DAPP1: variants seen among roughly 807,000 people sequenced by gnomAD.
DAPP1 encodes dual adaptor of phosphotyrosine and 3-phosphoinositides 1, also known as dual adapter for phosphotyrosine and 3-phosphotyrosine and 3-phosphoinositide.
Under a neutral mutation model 41.5 loss-of-function variants are expected in DAPP1, and 20 were observed. That is an observed-to-expected ratio of 0.48 (90% CI 0.34 to 0.70). The LOEUF (loss-of-function observed/expected upper bound fraction) is 0.70, where lower values mean the gene tolerates loss of function less well. Ranked by LOEUF, DAPP1 falls within the 30% of genes least tolerant of loss-of-function variation. The pLI, the probability that DAPP1 is intolerant of heterozygous loss-of-function variation, is 0.01. For missense variants in DAPP1, 233 were observed against 333.4 expected (o/e 0.70, Z 2.35); for synonymous variants, 113 against 116.2 (o/e 0.97, Z 0.18).
Position 99,858,503 on chromosome 4 carries a change from CAGG to C in DAPP1, c.490-3074_490-3072del, listed in dbSNP as rs369901652. The stretch of plus-strand genomic sequence containing the variant: ...GTTTGATTACTTAAGTGGTGTCTGC[CAGG>C]TTTCTTCACTCTAAAGTCACCATAT... On this transcript the variant is annotated intron_variant, in intron 4 of 8. Transcript: ENST00000512369. Among the ~76,000 whole-genome samples, 620 of 152,192 alleles carry C rather than the reference CAGG, an allele frequency of 4.1e-3. 1 individual carries two copies. The highest frequency in any genetic ancestry group is 0.014 in the African/African-American group (596 of 41,520).
chr4:99,851,289 TG>T (rs1723848504), intron 3 of DAPP1, among the ~76,000 whole-genome samples: 1 of 152,154 alleles, frequency 6.6e-6, no homozygotes, highest in Non-Finnish European at 1.5e-5. Context: ...GTTCTGATAA[TG>T]GCAAAATCTG....
At chr4:99,849,824 T>C (rs766540341) in intron 3 of DAPP1, among the ~76,000 whole-genome samples, 3 of 152,000 alleles carry the variant, frequency 2.0e-5, no homozygotes, top group Non-Finnish European at 4.4e-5. Context: ...TCCTCATAAG[T>C]AGTAGGGAGC....
At chr4:99,862,589 A>C (rs1724276700) in intron 5 of DAPP1, among the ~76,000 whole-genome samples, 1 of 152,168 alleles carries the variant, frequency 6.6e-6, no homozygotes, top group Non-Finnish European at 1.5e-5. Context: ...TTAGGTACTC[A>C]AAGAACAATA....
chr4:99,834,054 T>C (rs1055732464), intron 1 of DAPP1, among the ~76,000 whole-genome samples: 4 of 152,178 alleles, frequency 2.6e-5, no homozygotes, highest in Non-Finnish European at 5.9e-5. Context: ...CCACCTGGAT[T>C]GGGACCCAGG....
chr4:99,835,536 C>T (rs1475845864), intron 1 of DAPP1, 87 bp from the exon 2 acceptor site: 12 of 1,540,332 alleles, frequency 7.8e-6, no homozygotes, highest in Admixed American at 1.9e-5. Context: ...AAGAATGTTG[C>T]TAGGTAATCT....
intron 3 of DAPP1, among the ~76,000 whole-genome samples, chr4:99,841,446 ACGAAATGAAGTTATAACCTTTTTTT>A (rs1484274917): frequency 6.6e-6 from 1 of 152,228 alleles, no homozygotes; most frequent in Non-Finnish European, 1.5e-5. Flanking sequence ...AACCCAAACT[ACGAAATGAAGTTATAACCTTTTTTT>A]CCTTCTTTCT....
At chr4:99,852,078 A>G (rs189175451) in intron 3 of DAPP1, among the ~76,000 whole-genome samples, 164 of 152,032 alleles carry the variant, frequency 1.1e-3, no homozygotes, top group African/African-American at 3.7e-3. Context: ...CATTTTTTCC[A>G]TAACACTTCT....
chr4:99,853,201 T>C lies in DAPP1; in HGVS notation c.359-17T>C, dbSNP rs747477341. On this transcript the variant is annotated splice_polypyrimidine_tract_variant and intron_variant, in intron 3 of 8. Transcript: ENST00000512369. ...CTGGGAACACTGTTCGATTATATAT[T>C]TTTCATCTTCATTCAGGCACTCTGA... is the stretch of plus-strand genomic sequence containing the variant. The C allele has an allele frequency of 6.2e-7, 1 of 1,613,688 alleles. No individual in the cohort carries two copies. The highest frequency in any genetic ancestry group is 8.5e-7 in the Non-Finnish European group (1 of 1,179,722).
At chr4:99,858,671 C>A (rs1724130476) in intron 4 of DAPP1, among the ~76,000 whole-genome samples, 1 of 152,114 alleles carries the variant, frequency 6.6e-6, no homozygotes, top group African/African-American at 2.4e-5. Context: ...TGATTGTTAC[C>A]AAACGATGAC....
At chr4:99,839,333 T>C (rs1723411853) in intron 2 of DAPP1, among the ~76,000 whole-genome samples, 1 of 149,818 alleles carries the variant, frequency 6.7e-6, no homozygotes. Context: ...TGGGATCAAA[T>C]AAAGTGGAGA....
At chr4:99,850,600 G>A (rs957426791) in intron 3 of DAPP1, among the ~76,000 whole-genome samples, 5 of 152,124 alleles carry the variant, frequency 3.3e-5, no homozygotes, top group Admixed American at 2.6e-4. Context: ...TAATTTGGGA[G>A]CTGCTTTGAT....
intron 1 of DAPP1, among the ~76,000 whole-genome samples, chr4:99,828,207 G>A (rs2110137367): frequency 6.6e-6 from 1 of 152,346 alleles, no homozygotes; most frequent in South Asian, 2.1e-4. Context: ...CATACTTTAA[G>A]TAGCAAAGCT....
chr4:99,866,206 A>G, intron 8 of DAPP1, 85 bp downstream of exon 8: 1 of 770,442 alleles, frequency 1.3e-6, no homozygotes, highest in South Asian at 1.6e-5. Flanking sequence ...AAAGAGTCAG[A>G]CTAGACCCAA....
intron 1 of DAPP1, among the ~76,000 whole-genome samples, chr4:99,831,493 G>A (rs1723118667): frequency 6.6e-6 from 1 of 152,134 alleles, no homozygotes; most frequent in Admixed American, 6.5e-5. Flanking sequence ...CATCCTTTTA[G>A]CACTCCACTT....
intron 1 of DAPP1, among the ~76,000 whole-genome samples, chr4:99,829,635 G>T (rs1723053906): frequency 6.6e-6 from 1 of 152,290 alleles, no homozygotes; most frequent in East Asian, 1.9e-4. Flanking sequence ...AGAGACAAAT[G>T]CATGACCTCT....
At chr4:99,817,754 A>T (rs1722639670) in intron 1 of DAPP1, among the ~76,000 whole-genome samples, 1 of 152,228 alleles carries the variant, frequency 6.6e-6, no homozygotes, top group Non-Finnish European at 1.5e-5. Flanking sequence ...TTTCCCAGAG[A>T]AACTGCCTAA....
chr4:99,817,861 C>T (rs1722643024), intron 1 of DAPP1, among the ~76,000 whole-genome samples: 1 of 152,220 alleles, frequency 6.6e-6, no homozygotes, highest in African/African-American at 2.4e-5. Context: ...TCTAACTCTT[C>T]ATAGCAATCC....
chr4:99,851,768 T>A (rs1326541007), intron 3 of DAPP1, among the ~76,000 whole-genome samples: 2 of 152,066 alleles, frequency 1.3e-5, no homozygotes, highest in Admixed American at 1.3e-4. Flanking sequence ...TTGGCCAGGA[T>A]GCTCTCGATC....
In DAPP1 at chr4:99,866,058, T is replaced by C; in HGVS notation, c.711T>C (p.Phe237=). 1 of 1,582,682 alleles carries C rather than the reference T, an allele frequency of 6.3e-7. No homozygotes were observed. The highest frequency in any genetic ancestry group is 8.6e-7 in the Non-Finnish European group (1 of 1,161,520). Residue 237 remains phenylalanine, a synonymous_variant, in exon 8 of 9, where the codon TTT becomes TTC. Coordinates refer to ENST00000512369, the MANE Select transcript of DAPP1 (RefSeq NM_014395.3). ...CFCLVFPFRT[F]YLCAKTGVEA... ...GTTTGGTATTTCCATTCAGGACATTTTATCTCTGTGCAAAGACCGGAGTAG... is the reference window on the plus strand; with the variant it reads ...GTTTGGTATTTCCATTCAGGACATTCTATCTCTGTGCAAAGACCGGAGTAG...
Sources: gnomAD v4.1 joint callset for allele counts (sites outside exome capture counted in the v4.1 genomes callset) on GRCh38, gnomAD v4.1.1 for gene constraint, MANE v1.5 for transcripts, NCBI Gene and HGNC (gene_info 2026-07-23, HGNC 2026-07-21) for gene names.